The following HSPA4L variants were observed in gnomAD, a reference collection of about 807,000 sequenced individuals.
The protein encoded by HSPA4L is heat shock protein family A (Hsp70) member 4 like, also known as heat shock 70 kDa protein 4L.
Under a neutral mutation model 100.3 loss-of-function variants are expected in HSPA4L, and 48 were observed. The observed-to-expected ratio is 0.48, with a 90% CI of 0.38 to 0.61. The LOEUF is 0.61. Ranked by LOEUF, HSPA4L falls within the 20% of genes least tolerant of loss-of-function variation. The probability of loss-of-function intolerance (pLI) is 0.00; values close to 1 mark genes in which losing one functional copy is unlikely to be tolerated. For missense variants in HSPA4L, 886 were observed against 988.6 expected (o/e 0.90, Z 1.39); for synonymous variants, 319 against 328.2 (o/e 0.97, Z 0.30).
In HSPA4L at chr4:127,834,543, A is replaced by T. The variant is rs1305491421; in HGVS notation, c.*1669A>T. On this transcript the variant is annotated 3_prime_UTR_variant, in exon 19 of 19. Coordinates refer to ENST00000296464, the MANE Select transcript of HSPA4L (RefSeq NM_014278.4). ...TCATATAAACTTAATATATTTTTAA[A>T]CTCTCCTAGTCTTTAAACTTTCTCT... is the stretch of plus-strand genomic sequence containing the variant. 6.6e-6 allele frequency: 1 copy of T among 152,128 alleles called. No individual in the cohort carries two copies. Among genetic ancestry groups the T allele is most frequent in the Non-Finnish European group, 1.5e-5 (1 of 67,996 alleles). The allele number at this position is 152,128 out of a possible 1,614,324, so 9.4% of individuals were successfully genotyped here.
intron 1 of HSPA4L, among the ~76,000 whole-genome samples, chr4:127,788,577 TTA>T (rs1196510441): frequency 2.0e-5 from 3 of 152,218 alleles, no homozygotes; most frequent in African/African-American, 4.8e-5. Flanking sequence ...GTCTGAGGAA[TTA>T]TGTTTCATAG....
At chr4:127,787,090 T>C (rs932813343) in intron 1 of HSPA4L, among the ~76,000 whole-genome samples, 5 of 152,210 alleles carry the variant, frequency 3.3e-5, no homozygotes, top group Admixed American at 1.3e-4. Context: ...TGGTTTTCTA[T>C]CTTATTTTTT....
Position 127,837,251 on chromosome 4 carries a change from A to C in HSPA4L, c.*4377A>C, listed in dbSNP as rs1397940663. On this transcript the variant is annotated 3_prime_UTR_variant, in exon 19 of 19. Coordinates refer to ENST00000296464, the MANE Select transcript of HSPA4L (RefSeq NM_014278.4). ...AGGCGTGAGCCACCATACCCGGCCA[A>C]AAATTTTTGCTTTTAAAGTTAATGT... 6.6e-6 allele frequency: 1 copy of C among 152,150 alleles called. No individual in the cohort carries two copies. Among genetic ancestry groups the C allele is most frequent in the African/African-American group, 2.4e-5 (1 of 41,436 alleles). The allele number at this position is 152,150 out of a possible 1,614,324, so 9.4% of individuals were successfully genotyped here.
Position 127,804,019 on chromosome 4 carries a change from T to C in HSPA4L, c.917T>C (p.Phe306Ser). The C allele has an allele frequency of 6.2e-7, 1 of 1,614,072 alleles. No individual in the cohort carries two copies. The highest frequency in any genetic ancestry group is 1.3e-5 in the African/African-American group (1 of 75,056). The change falls in exon 8 of 19, where the codon TTT (phenylalanine) becomes TCT (serine). Residue 306 changes from phenylalanine to serine, a missense_variant. Phe to Ser is a radical substitution (Grantham distance 155). Coordinates refer to ENST00000296464, the MANE Select transcript of HSPA4L (RefSeq NM_014278.4). ...DVSSKMNRAQ[F>S]EQLCASLLAR... ...ATTCTATTTTCTCACAGGGCTCAAT[T>C]TGAACAACTGTGTGCTTCCCTTTTG...
chr4:127,794,693 C>T (rs1732971559), intron 2 of HSPA4L, among the ~76,000 whole-genome samples: 1 of 152,032 alleles, frequency 6.6e-6, no homozygotes, highest in African/African-American at 2.4e-5. Flanking sequence ...ACAATTATTT[C>T]TTGCATTTTA....
intron 11 of HSPA4L, among the ~76,000 whole-genome samples, chr4:127,809,855 T>C (rs1384455859): frequency 6.6e-6 from 1 of 152,194 alleles, no homozygotes; most frequent in African/African-American, 2.4e-5. Context: ...AGAGTACTTT[T>C]AAAAAATGAA....
intron 3 of HSPA4L, among the ~76,000 whole-genome samples, chr4:127,796,561 G>A (rs548783247): frequency 4.6e-5 from 7 of 152,142 alleles, no homozygotes; most frequent in Non-Finnish European, 8.8e-5. Context: ...AAGTGGAAAC[G>A]ATACAAGTTT....
chr4:127,824,998 A>G (rs899599358), intron 16 of HSPA4L, among the ~76,000 whole-genome samples: 3 of 151,884 alleles, frequency 2.0e-5, no homozygotes, highest in Non-Finnish European at 2.9e-5. Context: ...AAATTAGCTG[A>G]GCGTGGTGGC....
chr4:127,825,478 C>G lies in HSPA4L; in HGVS notation c.2047-1827C>G, dbSNP rs79346086. 2.6e-5 allele frequency among the ~76,000 whole-genome samples: 4 copies of G among 152,176 alleles called. No homozygotes were observed. The East Asian group carries it at 7.7e-4, about 29-fold the overall frequency. ...AAGGTGTGCAAAAGAAGTTACTCAA[C>G]TTAAAAGTAAAAGAAGTTAATACTG... is the stretch of plus-strand genomic sequence containing the variant. On this transcript the variant is annotated intron_variant, in intron 16 of 18. Transcript: ENST00000296464.
At chr4:127,832,093 T>G (rs527829590) in intron 18 of HSPA4L, among the ~76,000 whole-genome samples, 1 of 152,282 alleles carries the variant, frequency 6.6e-6, no homozygotes, top group African/African-American at 2.4e-5. Flanking sequence ...GTTTTTAAAT[T>G]TGAGTAGTGT....
chr4:127,813,219 G>C, intron 12 of HSPA4L: 1 of 1,108,724 alleles, frequency 9.0e-7, no homozygotes, highest in Non-Finnish European at 1.4e-6. Context: ...ATTACTGGAA[G>C]ATGGCGGTTC....
At chr4:127,808,988 T>TTAACC (rs1252190720) in intron 11 of HSPA4L, among the ~76,000 whole-genome samples, 1 of 151,824 alleles carries the variant, frequency 6.6e-6, no homozygotes, top group Non-Finnish European at 1.5e-5. Flanking sequence ...ACTGAAAAAC[T>TTAACC]TTAATTGGTA....
Position 127,832,761 on chromosome 4 carries a change from A to G in HSPA4L, c.2407A>G (p.Asn803Asp), listed in dbSNP as rs1346663710. 3.1e-6 allele frequency: 5 copies of G among 1,613,684 alleles called. No homozygotes were observed. Among genetic ancestry groups the G allele is most frequent in the Non-Finnish European group, 4.2e-6 (5 of 1,179,810 alleles). Residue 803 changes from asparagine to aspartate, a missense_variant, in exon 19 of 19, where the codon AAT becomes GAT. Physicochemically the swap from Asn to Asp is conservative, Grantham distance 23. Coordinates refer to ENST00000296464, the MANE Select transcript of HSPA4L (RefSeq NM_014278.4). ...AEVPEDKPKA[N>D]SEHNGPMDGQ... ...AGTTCCTGAAGACAAACCAAAAGCT[A>G]ATAGTGAACACAATGGCCCAATGGA...
chr4:127,831,784 T>A (rs535128131), intron 18 of HSPA4L, among the ~76,000 whole-genome samples: 1 of 152,026 alleles, frequency 6.6e-6, no homozygotes, highest in Admixed American at 6.5e-5. Context: ...ATATTATTAA[T>A]TTGTAGGAGA....
intron 6 of HSPA4L, among the ~76,000 whole-genome samples, chr4:127,803,208 T>C (rs577203744): frequency 2.0e-5 from 3 of 152,312 alleles, no homozygotes; most frequent in South Asian, 2.1e-4. Context: ...TGACCAATTA[T>C]GGTATTTTAT....
intron 14 of HSPA4L, 67 bp from the exon 15 acceptor site, chr4:127,822,702 T>C: frequency 6.8e-7 from 1 of 1,472,640 alleles, no homozygotes; most frequent in Non-Finnish European, 9.4e-7. Context: ...AGTGGTATCT[T>C]GTGGTTTTGA....
At chr4:127,787,251 G>A (rs946084994) in intron 1 of HSPA4L, among the ~76,000 whole-genome samples, 3 of 151,406 alleles carry the variant, frequency 2.0e-5, no homozygotes, top group Admixed American at 6.5e-5. Context: ...ATGCCAAATC[G>A]GGGGGTTAAC....
Position 127,838,975 on chromosome 4 carries a change from G to A in HSPA4L, c.*6101G>A, listed in dbSNP as rs1442187468. The A allele has an allele frequency of 6.6e-6, 1 of 152,008 alleles. No individual in the cohort carries two copies. Among genetic ancestry groups the A allele is most frequent in the Non-Finnish European group, 1.5e-5 (1 of 68,010 alleles). The allele number at this position is 152,008 out of a possible 1,614,324, so 9.4% of individuals were successfully genotyped here. On this transcript the variant is annotated 3_prime_UTR_variant, in exon 19 of 19. Transcript: ENST00000296464. Reference sequence around the variant, plus strand: ...TTGTGTAATTTAATAGTAGCATTCTGGAGTAGATTCTTTTTTTGTATTCTG... The same window carrying A: ...TTGTGTAATTTAATAGTAGCATTCTAGAGTAGATTCTTTTTTTGTATTCTG...
At chr4:127,823,376 TG>T in intron 15 of HSPA4L, 140 bp from the exon 16 acceptor site, 1 of 595,148 alleles carries the variant, frequency 1.7e-6, no homozygotes. Context: ...CTCTTAGTTC[TG>T]GGCTCAAGCG....
Sources: gnomAD v4.1 joint callset for allele counts (sites outside exome capture counted in the v4.1 genomes callset) on GRCh38, gnomAD v4.1.1 for gene constraint, MANE v1.5 for transcripts, NCBI Gene and HGNC (gene_info 2026-07-23, HGNC 2026-07-21) for gene names.